Variants in SREBF1 observed in about 807,000 individuals in gnomAD.
The protein encoded by SREBF1 is sterol regulatory element binding transcription factor 1, also known as sterol regulatory element-binding protein 1.
SREBF1 carries 45 observed loss-of-function variants against 100.1 expected under a neutral mutation model. That is an observed-to-expected ratio of 0.45 (90% CI 0.35 to 0.58). SREBF1 has a LOEUF of 0.58. Among genes scored for constraint, SREBF1 ranks in the 20% least tolerant of loss-of-function variants. The pLI is 0.00. For synonymous variants in SREBF1, 657 were observed against 681.8 expected (o/e 0.96, Z 0.57); for missense variants, 1,324 against 1,539.4 (o/e 0.86, Z 2.34).
At chr17:17,834,370 G>GT (rs1190978677) in intron 1 of SREBF1, among the ~76,000 whole-genome samples, 1 of 152,224 alleles carries the variant, frequency 6.6e-6, no homozygotes, top group Non-Finnish European at 1.5e-5. Context: ...GATTATAGGT[G>GT]TGAGCCACCA....
Position 17,825,596 on chromosome 17 carries a change from C to T in SREBF1, c.92-5075G>A, listed in dbSNP as rs555575360. On this transcript the variant is annotated intron_variant, in intron 1 of 18. Transcript: ENST00000261646. ...CTCTCCCCTGGGGCTGATCTACTGG[C>T]CAATTTCTTTTTTTTTTTTTTTTTT... Among the ~76,000 whole-genome samples the T allele has an allele frequency of 2.6e-4, 38 of 146,836 alleles. No individual in the cohort carries two copies. The South Asian group carries it at 8.0e-3, about 31-fold the overall frequency.
intron 10 of SREBF1, 29 bp from the exon 11 acceptor site, chr17:17,816,402 G>A: frequency 6.3e-7 from 1 of 1,597,624 alleles, no homozygotes; most frequent in Non-Finnish European, 8.5e-7. Flanking sequence ...TGAGGCTGTG[G>A]GTGGAGCACA....
Position 17,819,220 on chromosome 17 carries a change from G to A in SREBF1, c.861C>T (p.Gly287=), listed in dbSNP as rs891426807. ...QTGPLPTLVS[G]GTILATVPLV... is the part of the protein sequence containing the mutation. ...GTGGGACTGTTGCCAAGATGGTTCC[G>A]CCACTCACCAGGGTCTGCAGGGCCA... Residue 287 remains glycine (G), a synonymous_variant, in exon 5 of 19, where the codon GGC becomes GGT. Coordinates refer to ENST00000261646, the MANE Select transcript of SREBF1 (RefSeq NM_004176.5). 8.7e-6 allele frequency: 14 copies of A among 1,613,938 alleles called. No individual in the cohort carries two copies. Among genetic ancestry groups the A allele is most frequent in the African/African-American group, 1.3e-5 (1 of 74,940 alleles).
rs202180542 is a variant in SREBF1, at chr17:17,814,737, C to T, written c.2613G>A (p.Pro871=). 6.8e-5 allele frequency: 110 copies of T among 1,610,562 alleles called. No homozygotes were observed. The African/African-American group carries it at 7.6e-4, about 11-fold the overall frequency. The part of the protein sequence containing the change: ...SSMATTTGVD[P]VAKWWASLTA... ...TCAGAGAGGCCCACCACTTGGCCAC[C>T]GGGTCTACGCCTGCAGAAGAGGGAG... is the stretch of plus-strand genomic sequence containing the variant. The change falls in exon 15 of 19, where the codon CCG becomes CCA. Residue 871 remains proline (P), a synonymous_variant. Transcript: ENST00000261646.
chr17:17,820,442 C>A lies in SREBF1; in HGVS notation c.171G>T (p.Gly57=), dbSNP rs143161020. The change falls in exon 2 of 19, where the codon GGG becomes GGT. Residue 57 remains glycine (G), a synonymous_variant. Transcript: ENST00000261646. ...FDPPYAGSGA[G]GTDPASPDTS... Reference sequence around the variant, plus strand: ...TATCGGGGCTGGCAGGGTCTGTGCCCCCTGCCCCACTCCCAGCATAGGGTG... The same window carrying A: ...TATCGGGGCTGGCAGGGTCTGTGCCACCTGCCCCACTCCCAGCATAGGGTG... 1.2e-5 allele frequency: 20 copies of A among 1,613,840 alleles called. No individual in the cohort carries two copies. The African/African-American group carries it at 2.1e-4, about 17-fold the overall frequency.
Position 17,813,715 on chromosome 17 carries a change from G to T in SREBF1, c.2956C>A (p.Arg986=), listed in dbSNP as rs1046008636. The change falls in exon 17 of 19, where the codon CGG becomes AGG. Residue 986 remains arginine, a synonymous_variant. Coordinates refer to ENST00000261646, the MANE Select transcript of SREBF1 (RefSeq NM_004176.5). The stretch of plus-strand genomic sequence containing the variant: ...GCCGGGGCCGGGGGCTGCTGCTGCC[G>T]CCACAGGCTGGTGCGCACCACAAGA... ...LLLVVRTSLW[R]QQQPPAPAPA... 9 of 1,536,146 alleles carry T rather than the reference G, an allele frequency of 5.9e-6. No individual in the cohort carries two copies. In the African/African-American group the frequency reaches 9.6e-5, roughly 16 times the overall value.
In SREBF1 at chr17:17,819,304, T is replaced by C. The variant is rs749458271; in HGVS notation, c.846+16A>G. ...GTGTAGACCCCACTCCCTTATGCCCTGCCCACGTCACCCACCGGCAAAGGC... is the reference window on the plus strand; with the variant it reads ...GTGTAGACCCCACTCCCTTATGCCCCGCCCACGTCACCCACCGGCAAAGGC... On this transcript the variant is annotated intron_variant, in intron 4 of 18. Transcript: ENST00000261646. 9.3e-6 allele frequency: 15 copies of C among 1,613,520 alleles called. No individual in the cohort carries two copies. In the Admixed American group the frequency reaches 1.5e-4, roughly 16 times the overall value.
At chr17:17,823,211 T>C (rs2034221771) in intron 1 of SREBF1, among the ~76,000 whole-genome samples, 1 of 152,218 alleles carries the variant, frequency 6.6e-6, no homozygotes, top group East Asian at 1.9e-4. Flanking sequence ...TGCTTCCTCC[T>C]GGTCCTGTCC....
intron 1 of SREBF1, among the ~76,000 whole-genome samples, chr17:17,825,347 G>C (rs2034418599): frequency 6.6e-6 from 1 of 152,178 alleles, no homozygotes; most frequent in African/African-American, 2.4e-5. Flanking sequence ...GGGAGAGGGC[G>C]GTTGCTCTCT....
In SREBF1 at chr17:17,823,845, G is replaced by A. The variant is rs574091995; in HGVS notation, c.92-3324C>T. ...CACCTCCCCACGGCGGCGGGGGCTC[G>A]AGTTTCACCCCGCGGCGCTGAATGG... On this transcript the variant is annotated intron_variant, in intron 1 of 18. Coordinates refer to ENST00000261646, the MANE Select transcript of SREBF1 (RefSeq NM_004176.5). 1.1e-4 allele frequency among the ~76,000 whole-genome samples: 16 copies of A among 152,064 alleles called. No homozygotes were observed. The East Asian group carries it at 3.1e-3, about 29-fold the overall frequency.
chr17:17,817,493 G>C lies in SREBF1; in HGVS notation c.1405-36C>G. ...TGGGCAGGGTGGTGAGGGCAGAATCGGAGGGACCCCAGAGAGCATGGGGCT... is the reference window on the plus strand; with the variant it reads ...TGGGCAGGGTGGTGAGGGCAGAATCCGAGGGACCCCAGAGAGCATGGGGCT... On this transcript the variant is annotated intron_variant, in intron 7 of 18. Transcript: ENST00000261646. The surrounding 1 kb of genome is among the most constrained non-coding windows in gnomAD (Gnocchi z 6.6). 6.4e-7 allele frequency: 1 copy of C among 1,561,334 alleles called. No individual in the cohort carries two copies. Among genetic ancestry groups the C allele is most frequent in the Non-Finnish European group, 8.7e-7 (1 of 1,152,506 alleles).
Position 17,816,614 on chromosome 17 carries a change from G to A in SREBF1, c.1890C>T (p.Asn630=). 6.2e-7 allele frequency: 1 copy of A among 1,605,558 alleles called. No homozygotes were observed. The highest frequency in any genetic ancestry group is 8.5e-7 in the Non-Finnish European group (1 of 1,176,964). ...GACGCTGCAGCAGGTGACGGATGAGGTTCCAGAGGAGGCTACAAGCCAGGT... is the reference window on the plus strand; with the variant it reads ...GACGCTGCAGCAGGTGACGGATGAGATTCCAGAGGAGGCTACAAGCCAGGT... ...HLDLACSLLW[N]LIRHLLQRLW... is the part of the protein sequence containing the mutation. Residue 630 remains asparagine (N), a synonymous_variant, in exon 10 of 19, where the codon AAC becomes AAT. Coordinates refer to ENST00000261646, the MANE Select transcript of SREBF1 (RefSeq NM_004176.5).
chr17:17,823,724 G>A, intron 1 of SREBF1: 3 of 340,952 alleles, frequency 8.8e-6, no homozygotes, highest in Non-Finnish European at 1.1e-5. Context: ...GCCCCGCCCC[G>A]CCCTTCGGGG....
intron 1 of SREBF1, chr17:17,823,680 G>T (rs777131011): frequency 5.6e-5 from 57 of 1,009,608 alleles, no homozygotes; most frequent in Admixed American, 1.1e-4. Context: ...CCCGCCCCCA[G>T]CCCCGCCCCA....
intron 1 of SREBF1, among the ~76,000 whole-genome samples, chr17:17,831,488 C>T (rs59019513): frequency 0.013 from 1,969 of 152,220 alleles, 43 homozygotes; most frequent in African/African-American, 0.043. Context: ...CATCTGGGGT[C>T]CGACAGACAA....
In SREBF1 at chr17:17,817,248, G is replaced by A; in HGVS notation, c.1606+8C>T. The A allele has an allele frequency of 6.8e-6, 11 of 1,607,812 alleles. No individual in the cohort carries two copies. Among genetic ancestry groups the A allele is most frequent in the African/African-American group, 1.3e-5 (1 of 74,988 alleles). On this transcript the variant is annotated splice_region_variant and intron_variant, in intron 8 of 18. Transcript: ENST00000261646. This position sits in a 1 kb window ranked among gnomAD's most constrained non-coding sequence, Gnocchi z 6.6. ...CCTCCCAAAGATGCCCAGGCTGGCC[G>A]GTCCCACCTCTGCTCTCGGTGCCCA...
At chr17:17,834,886 C>A (rs943562863) in intron 1 of SREBF1, among the ~76,000 whole-genome samples, 6 of 152,108 alleles carry the variant, frequency 3.9e-5, no homozygotes, top group African/African-American at 1.2e-4. Flanking sequence ...TGGTGGCTGG[C>A]GCCTGTAGTC....
At chr17:17,818,952 G>A in intron 5 of SREBF1, 61 bp downstream of exon 5, 1 of 1,562,748 alleles carries the variant, frequency 6.4e-7, no homozygotes, top group Non-Finnish European at 8.7e-7. Flanking sequence ...CCTTCCAGTT[G>A]CCCCTGATCT....
intron 1 of SREBF1, among the ~76,000 whole-genome samples, chr17:17,834,025 C>CAGAGAGAG (rs113396102): frequency 0.019 from 2,872 of 147,550 alleles, 44 homozygotes; most frequent in African/African-American, 0.034. Context: ...CATATAAACA[C>CAGAGAGAG]ACAGAGAGAG....
Sources: gnomAD v4.1 joint callset for allele counts (sites outside exome capture counted in the v4.1 genomes callset) on GRCh38, gnomAD v4.1.1 for gene constraint, Gnocchi (gnomAD v3.1) non-coding constraint, MANE v1.5 for transcripts, NCBI Gene and HGNC (gene_info 2026-07-23, HGNC 2026-07-21) for gene names.